Variants in EXD3 observed in about 807,000 individuals in gnomAD.
The protein encoded by EXD3 is exonuclease mut-7 homolog.
Under a neutral mutation model 98.0 loss-of-function variants are expected in EXD3, and 92 were observed. That is an observed-to-expected ratio of 0.94 (90% CI 0.79 to 1.12). The LOEUF (loss-of-function observed/expected upper bound fraction) is 1.12, where lower values mean the gene tolerates loss of function less well. EXD3 is among the 50% of genes most tolerant of loss of function. The pLI is 0.00. For missense variants in EXD3, 1,222 were observed against 1,191.6 expected, an observed-to-expected ratio of 1.03 and a Z score of -0.38; for synonymous variants, 569 against 526.0, an observed-to-expected ratio of 1.08 and a Z score of -1.12.
At position 137,366,534 on chromosome 9, in the gene EXD3, A is replaced by G. The variant is rs527855354; in HGVS notation, c.615T>C (p.Asp205=). The G allele has an allele frequency of 3.2e-5, 50 of 1,551,480 alleles. No individual in the cohort carries two copies. The South Asian group carries it at 5.6e-4, about 17-fold the overall frequency. The change falls in exon 7 of 22, where the codon GAT becomes GAC. Residue 205 remains aspartate (D), a synonymous_variant. Transcript: ENST00000340951. ...TGTCAAAGCCGGGCTGGCACCAGGA[A>G]TCCATGAGGACCAGCAGCCTCCTCT... The part of the protein sequence containing the change: ...DLQRRLLVLM[D]SWCQPGFDIK...
Position 137,346,171 on chromosome 9 carries a change from G to A in EXD3, c.1998+1900C>T, listed in dbSNP as rs191965682. 5.6e-3 allele frequency among the ~76,000 whole-genome samples: 797 copies of A among 141,682 alleles called. 3 individuals carry two copies. The highest frequency in any genetic ancestry group is 8.6e-3 in the Non-Finnish European group (575 of 66,714). The allele number at this position is 141,682 out of a possible 152,430, so 92.9% of individuals were successfully genotyped here. On this transcript the variant is annotated intron_variant, in intron 17 of 21. Transcript: ENST00000340951. Reference sequence around the variant, plus strand: ...GGAGAATGGCATGAACCTGGGAGGCGGAGCTTGCAGTGAGCCGAGATCGCA... The same window carrying A: ...GGAGAATGGCATGAACCTGGGAGGCAGAGCTTGCAGTGAGCCGAGATCGCA...
chr9:137,349,278 G>C lies in EXD3; in HGVS notation c.1662C>G (p.Ala554=), dbSNP rs374931539. The C allele has an allele frequency of 5.1e-6, 8 of 1,564,644 alleles. No homozygotes were observed. The highest frequency in any genetic ancestry group is 6.9e-6 in the Non-Finnish European group (8 of 1,161,606). The part of the protein sequence containing the change: ...LCEEQVIYAA[A]DAYCLLEVHQ... The stretch of plus-strand genomic sequence containing the variant: ...GCACCTCCAGCAGGCAGTAGGCGTC[G>C]GCAGCTGTGTGGGGAGTCGGCCTCA... The change falls in exon 16 of 22, where the codon GCC becomes GCG. Residue 554 remains alanine, a synonymous_variant. Coordinates refer to ENST00000340951, the MANE Select transcript of EXD3 (RefSeq NM_017820.5). The surrounding 1 kb of genome is among the most constrained non-coding windows in gnomAD (Gnocchi z 7.4).
intron 8 of EXD3, 29 bp downstream of exon 8, chr9:137,356,239 T>TG: frequency 6.5e-7 from 1 of 1,531,466 alleles, no homozygotes; most frequent in Non-Finnish European, 8.9e-7. Flanking sequence ...CCCTGGCCTG[T>TG]GGGGCAGGAA....
chr9:137,422,574 C>G (rs1490759047), intron 1 of EXD3, among the ~76,000 whole-genome samples: 1 of 152,206 alleles, frequency 6.6e-6, no homozygotes, highest in Non-Finnish European at 1.5e-5. Flanking sequence ...CACCTGGTGA[C>G]CCAGGCCGCC....
intron 19 of EXD3, among the ~76,000 whole-genome samples, chr9:137,318,727 C>T (rs1204980104): frequency 6.6e-6 from 1 of 152,148 alleles, no homozygotes; most frequent in East Asian, 1.9e-4. Flanking sequence ...GAGACCCTCC[C>T]TGCCTGGCTC....
chr9:137,330,261 C>G (rs1832959000), intron 17 of EXD3, among the ~76,000 whole-genome samples: 1 of 138,140 alleles, frequency 7.2e-6, no homozygotes. Context: ...CAGGGCTCCA[C>G]AGGAGCTACA....
intron 19 of EXD3, among the ~76,000 whole-genome samples, chr9:137,313,154 G>C (rs138084482): frequency 3.0e-4 from 46 of 152,334 alleles, no homozygotes; most frequent in Non-Finnish European, 5.9e-4. Flanking sequence ...TTGAGGGAAA[G>C]AGGAGGGCGA....
At chr9:137,388,220 T>C (rs1244926741) in intron 2 of EXD3, among the ~76,000 whole-genome samples, 10 of 151,676 alleles carry the variant, frequency 6.6e-5, no homozygotes, top group Admixed American at 5.9e-4. Flanking sequence ...CCAGCCACCC[T>C]CCCCAAAACG....
intron 10 of EXD3, chr9:137,353,197 C>T (rs1223732356): frequency 1.0e-6 from 1 of 984,036 alleles, no homozygotes; most frequent in South Asian, 4.7e-5. Context: ...CCTCCACCAG[C>T]CCTCCTGGCC....
chr9:137,330,796 C>T (rs1388891118), intron 17 of EXD3, among the ~76,000 whole-genome samples: 1 of 152,072 alleles, frequency 6.6e-6, no homozygotes, highest in Non-Finnish European at 1.5e-5. Flanking sequence ...AAAAATGGCC[C>T]CAATTAAAGA....
chr9:137,324,249 A>G lies in EXD3; in HGVS notation c.1999-106T>C. On this transcript the variant is annotated intron_variant, in intron 17 of 21. Coordinates refer to ENST00000340951, the MANE Select transcript of EXD3 (RefSeq NM_017820.5). This position sits in a 1 kb window ranked among gnomAD's most constrained non-coding sequence, Gnocchi z 4.1. ...GCTCCCCGGATCGTGGCCCTGCCCC[A>G]GGCCCCTTTTGTCCTCCAGGGTGGC... 1 of 1,000,716 alleles carries G rather than the reference A, an allele frequency of 1.0e-6. No homozygotes were observed. Among genetic ancestry groups the G allele is most frequent in the Non-Finnish European group, 1.5e-6 (1 of 667,080 alleles). 62.0% of individuals were successfully genotyped at this position (1,000,716 alleles called of 1,614,324 possible). A position where few individuals can be genotyped will look rare whatever the true frequency, so the allele number is the denominator to read the frequency against.
At chr9:137,317,999 C>T (rs555218502) in intron 19 of EXD3, among the ~76,000 whole-genome samples, 5 of 152,018 alleles carry the variant, frequency 3.3e-5, no homozygotes, top group East Asian at 2.0e-4. Flanking sequence ...GGTCTGTGGC[C>T]GCTGCACCTC....
rs114118687 is a variant in EXD3 at position 137,314,942 on chromosome 9, C to T, written c.2185-5242G>A. Among the ~76,000 whole-genome samples the T allele has an allele frequency of 9.2e-3, 1,400 of 152,318 alleles. 17 individuals are homozygous for T. Among genetic ancestry groups the T allele is most frequent in the African/African-American group, 0.032 (1,323 of 41,550 alleles). The stretch of plus-strand genomic sequence containing the variant: ...ACGTCTCTCAGAAGCACCAGGGACA[C>T]GGGCGTCTGCATGTGGGTGGGTGTC... On this transcript the variant is annotated intron_variant, in intron 19 of 21. Coordinates refer to ENST00000340951, the MANE Select transcript of EXD3 (RefSeq NM_017820.5).
intron 5 of EXD3, among the ~76,000 whole-genome samples, chr9:137,369,618 C>A (rs929143446): frequency 3.1e-4 from 1 of 3,180 alleles, no homozygotes; most frequent in East Asian, 0.25. Context: ...AGCCTCCCTC[C>A]GAGGGACAGA....
chr9:137,311,546 G>A (rs1041935493), intron 19 of EXD3, among the ~76,000 whole-genome samples: 3 of 152,252 alleles, frequency 2.0e-5, no homozygotes, highest in Admixed American at 6.5e-5. Flanking sequence ...ACGCCTGGGC[G>A]GGGCCAGCCA....
chr9:137,355,478 A>AGGAGGAAGGAGGAC (rs1834612891), intron 8 of EXD3, among the ~76,000 whole-genome samples: 3 of 6,100 alleles, frequency 4.9e-4, no homozygotes, highest in Non-Finnish European at 1.2e-3. Context: ...GGAAGGAGGA[A>AGGAGGAAGGAGGAC]GGAGGAAGGA....
At chr9:137,332,085 T>A (rs1833094126) in intron 17 of EXD3, among the ~76,000 whole-genome samples, 1 of 152,066 alleles carries the variant, frequency 6.6e-6, no homozygotes, top group South Asian at 2.1e-4. Context: ...AAAGAAATCA[T>A]GAATGACGCA....
At chr9:137,422,096 C>A in intron 1 of EXD3, among the ~76,000 whole-genome samples, 1 of 139,658 alleles carries the variant, frequency 7.2e-6, no homozygotes. Context: ...CATTCCAATT[C>A]AGTTTGTGGT....
At chr9:137,337,156 T>A (rs751557671) in intron 17 of EXD3, among the ~76,000 whole-genome samples, 12 of 152,094 alleles carry the variant, frequency 7.9e-5, no homozygotes, top group Non-Finnish European at 1.6e-4. Flanking sequence ...GTCAAAGAGG[T>A]TCACCACATA....
Sources: allele counts gnomAD v4.1 joint callset (sites outside exome capture counted in the v4.1 genomes callset), GRCh38; gene constraint gnomAD v4.1.1; non-coding constraint Gnocchi (gnomAD v3.1); transcripts MANE v1.5; gene names NCBI Gene and HGNC (gene_info 2026-07-23, HGNC 2026-07-21).